KCNQ1: variants seen among roughly 807,000 people sequenced by gnomAD.
The protein encoded by KCNQ1 is potassium voltage-gated channel subfamily KQT member 1.
Under a neutral mutation model 72.4 loss-of-function variants are expected in KCNQ1, and 49 were observed. The ratio of observed to expected loss-of-function variants is 0.68; its 90% CI spans 0.54 to 0.86. The LOEUF is 0.86. Among genes scored for constraint, KCNQ1 ranks in the 40% least tolerant of loss-of-function variants. The pLI, the probability that KCNQ1 is intolerant of heterozygous loss-of-function variation, is 0.00. For synonymous variants in KCNQ1, 450 were observed against 412.6 expected, an observed-to-expected ratio of 1.09 and a Z score of -1.10; for missense variants, 790 against 945.1, an observed-to-expected ratio of 0.84 and a Z score of 2.15.
rs1368001581 is a variant in KCNQ1, at chr11:2,671,144, C to G, written c.1514+9063C>G. The G allele has an allele frequency of 1.5e-5, 6 of 398,424 alleles. No homozygotes were observed. The highest frequency in any genetic ancestry group is 4.4e-6 in the Non-Finnish European group (1 of 226,082). 24.7% of individuals were successfully genotyped at this position (398,424 alleles called of 1,614,324 possible). A position where few individuals can be genotyped will look rare whatever the true frequency, so the allele number is the denominator to read the frequency against. Reference sequence around the variant, plus strand: ...CAGGCCTGGTTGGTCCCATGGGAGGCCTGAGGTGCCATCTTAGAAATAGGG... The same window carrying G: ...CAGGCCTGGTTGGTCCCATGGGAGGGCTGAGGTGCCATCTTAGAAATAGGG... On this transcript the variant is annotated intron_variant, in intron 11 of 15. Transcript: ENST00000155840. This position sits in a 1 kb window ranked among gnomAD's most constrained non-coding sequence, Gnocchi z 4.7.
Position 2,703,485 on chromosome 11 carries a change from G to A in KCNQ1, c.1514+41404G>A, listed in dbSNP as rs368178457. ...GGTTCCCTTGCAAGCCTGTGCACCCGAGAGCACGCACGCACACACGCACTC... is the reference window on the plus strand; with the variant it reads ...GGTTCCCTTGCAAGCCTGTGCACCCAAGAGCACGCACGCACACACGCACTC... On this transcript the variant is annotated intron_variant, in intron 11 of 15. Transcript: ENST00000155840. The surrounding 1 kb of genome is among the most constrained non-coding windows in gnomAD (Gnocchi z 6.4). Among the ~76,000 whole-genome samples the A allele has an allele frequency of 6.6e-6, 1 of 152,182 alleles. No homozygotes were observed. The highest frequency in any genetic ancestry group is 2.4e-5 in the African/African-American group (1 of 41,448).
Position 2,761,971 on chromosome 11 carries a change from G to A in KCNQ1, c.1515-6873G>A, listed in dbSNP as rs538257213. Reference sequence around the variant, plus strand: ...TGCAGAACAGGATCTGAGGAGCCCCGAGTGTTCTCACTGGATGTGGGGCCG... The same window carrying A: ...TGCAGAACAGGATCTGAGGAGCCCCAAGTGTTCTCACTGGATGTGGGGCCG... On this transcript the variant is annotated intron_variant, in intron 11 of 15. Coordinates refer to ENST00000155840, the MANE Select transcript of KCNQ1 (RefSeq NM_000218.3). Among the ~76,000 whole-genome samples, 13 of 152,376 alleles carry A rather than the reference G, an allele frequency of 8.5e-5. No individual in the cohort carries two copies. In the South Asian group the frequency reaches 2.3e-3, roughly 27 times the overall value.
intron 14 of KCNQ1, among the ~76,000 whole-genome samples, chr11:2,777,245 T>C (rs1002644879): frequency 7.2e-5 from 11 of 152,148 alleles, no homozygotes; most frequent in Middle Eastern, 3.4e-3. Flanking sequence ...TCAGGTTTCA[T>C]AAGAACCTAC....
intron 15 of KCNQ1, among the ~76,000 whole-genome samples, chr11:2,798,428 C>T (rs979929910): frequency 6.6e-6 from 1 of 152,158 alleles, no homozygotes; most frequent in African/African-American, 2.4e-5. Context: ...GGATCCTCAG[C>T]CGTCTGGGGG....
At chr11:2,765,513 G>T (rs771677219) in intron 11 of KCNQ1, among the ~76,000 whole-genome samples, 1 of 152,168 alleles carries the variant, frequency 6.6e-6, no homozygotes, top group Non-Finnish European at 1.5e-5. Context: ...TTGCTAATCA[G>T]GCTGTTCAAA....
rs1425512405 is a variant in KCNQ1, at chr11:2,674,079, C to T, written c.1514+11998C>T. 1 of 398,536 alleles carries T rather than the reference C, an allele frequency of 2.5e-6. No individual in the cohort carries two copies. The highest frequency in any genetic ancestry group is 4.4e-6 in the Non-Finnish European group (1 of 226,140). The allele number at this position is 398,536 out of a possible 1,614,324, so 24.7% of individuals were successfully genotyped here. A position where few individuals can be genotyped will look rare whatever the true frequency, so the allele number is the denominator to read the frequency against. ...GCTGGCTGCCCCATGGGGGCTTGGGCTAGGTCTCCCTGCCGGTGGGGAGGG... is the reference window on the plus strand; with the variant it reads ...GCTGGCTGCCCCATGGGGGCTTGGGTTAGGTCTCCCTGCCGGTGGGGAGGG... On this transcript the variant is annotated intron_variant, in intron 11 of 15. Transcript: ENST00000155840. The surrounding 1 kb of genome is among the most constrained non-coding windows in gnomAD (Gnocchi z 5.9).
At chr11:2,757,178 C>G (rs996698049) in intron 11 of KCNQ1, among the ~76,000 whole-genome samples, 1 of 151,860 alleles carries the variant, frequency 6.6e-6, no homozygotes, top group African/African-American at 2.4e-5. Flanking sequence ...TTTCTATTTG[C>G]AAAGATAGAA....
Position 2,682,096 on chromosome 11 carries a change from A to G in KCNQ1, c.1514+20015A>G. On this transcript the variant is annotated intron_variant, in intron 11 of 15. Coordinates refer to ENST00000155840, the MANE Select transcript of KCNQ1 (RefSeq NM_000218.3). This position sits in a 1 kb window ranked among gnomAD's most constrained non-coding sequence, Gnocchi z 5.8. ...TTGAGTCTAGGGCCCAGGGTCACAA[A>G]GCTAGGGAGCCGTGGATCTGCAGGA... The G allele has an allele frequency of 2.5e-6, 1 of 398,634 alleles. No individual in the cohort carries two copies. The highest frequency in any genetic ancestry group is 4.4e-6 in the Non-Finnish European group (1 of 226,082). The allele number at this position is 398,634 out of a possible 1,614,324, so 24.7% of individuals were successfully genotyped here. A position where few individuals can be genotyped will look rare whatever the true frequency, so the allele number is the denominator to read the frequency against.
intron 11 of KCNQ1, among the ~76,000 whole-genome samples, chr11:2,742,225 T>G (rs1197073531): frequency 6.6e-6 from 1 of 152,198 alleles, no homozygotes; most frequent in Non-Finnish European, 1.5e-5. Flanking sequence ...ACCACCATGA[T>G]TTGAGACCCT....
chr11:2,739,451 C>T (rs1261356825), intron 11 of KCNQ1, among the ~76,000 whole-genome samples: 2 of 152,224 alleles, frequency 1.3e-5, no homozygotes, highest in African/African-American at 4.8e-5. Context: ...TATTCCCCCA[C>T]CCCCAAAGGT....
intron 11 of KCNQ1, among the ~76,000 whole-genome samples, chr11:2,728,591 G>A (rs1564873539): frequency 6.6e-6 from 1 of 152,226 alleles, no homozygotes; most frequent in Non-Finnish European, 1.5e-5. Flanking sequence ...GCCGGGCCTT[G>A]GGAGCGTGAG....
rs112288575 is a variant in KCNQ1 at position 2,543,359 on chromosome 11, G to A, written c.477+15341G>A. On this transcript the variant is annotated intron_variant, in intron 2 of 15. Coordinates refer to ENST00000155840, the MANE Select transcript of KCNQ1 (RefSeq NM_000218.3). The surrounding 1 kb of genome is among the most constrained non-coding windows in gnomAD (Gnocchi z 5.6). ...CGTAAACGTAGCTCACTGCAACCTC[G>A]AATTCCTGGGCTCCGAGGATCCTCC... 2.9e-3 allele frequency among the ~76,000 whole-genome samples: 439 copies of A among 151,988 alleles called. 1 individual carries two copies. The highest frequency in any genetic ancestry group is 0.01 in the African/African-American group (423 of 41,432).
intron 11 of KCNQ1, among the ~76,000 whole-genome samples, chr11:2,736,601 C>T (rs1449132340): frequency 6.6e-6 from 1 of 152,152 alleles, no homozygotes; most frequent in Non-Finnish European, 1.5e-5. Context: ...TAGCGGCTTG[C>T]TTAGGGCCGT....
intron 10 of KCNQ1, chr11:2,649,408 A>C (rs552517870): frequency 5.0e-6 from 2 of 398,310 alleles, no homozygotes; most frequent in African/African-American, 4.1e-5. Flanking sequence ...TCATGATGGT[A>C]GATATCATCC....
At chr11:2,812,751 G>A (rs973492930) in intron 15 of KCNQ1, among the ~76,000 whole-genome samples, 1 of 152,026 alleles carries the variant, frequency 6.6e-6, no homozygotes, top group Admixed American at 6.5e-5. Context: ...TGGGCCCCAC[G>A]CCCCCGAGGC....
intron 11 of KCNQ1, among the ~76,000 whole-genome samples, chr11:2,736,441 G>A (rs986491990): frequency 1.3e-5 from 2 of 152,134 alleles, no homozygotes; most frequent in African/African-American, 4.8e-5. Flanking sequence ...AGTGGGCTTG[G>A]GAGAGCCTGA....
chr11:2,672,088 C>T (rs1850193801), intron 11 of KCNQ1: 1 of 398,728 alleles, frequency 2.5e-6, no homozygotes, highest in South Asian at 1.3e-4. Context: ...GACTGAGCAG[C>T]TGTCTTCTGC....
At chr11:2,685,583 A>G (rs2133885648) in intron 11 of KCNQ1, 1 of 398,690 alleles carries the variant, frequency 2.5e-6, no homozygotes. Context: ...CATACAGCAC[A>G]TGACAGGAAG....
chr11:2,548,115 TCTGA>T (rs1267096601), intron 2 of KCNQ1, among the ~76,000 whole-genome samples: 1 of 152,142 alleles, frequency 6.6e-6, no homozygotes, highest in African/African-American at 2.4e-5. Context: ...ACGCCGCCCC[TCTGA>T]CTGGTAGAGG....
Sources: allele counts gnomAD v4.1 joint callset (sites outside exome capture counted in the v4.1 genomes callset), GRCh38; gene constraint gnomAD v4.1.1; non-coding constraint Gnocchi (gnomAD v3.1); transcripts MANE v1.5; gene names NCBI Gene and HGNC (gene_info 2026-07-23, HGNC 2026-07-21).